The following PTPRZ1 variants were observed in gnomAD, a reference collection of about 807,000 sequenced individuals.
PTPRZ1 encodes the protein receptor-type tyrosine-protein phosphatase zeta.
A neutral mutation model predicts 214.1 loss-of-function variants in PTPRZ1; 82 were observed. The observed-to-expected ratio is 0.38, with a 90% CI of 0.32 to 0.46. The LOEUF (loss-of-function observed/expected upper bound fraction) is 0.46. Ranked by LOEUF, PTPRZ1 falls within the 20% of genes least tolerant of loss-of-function variation. The probability of loss-of-function intolerance (pLI) is 1.00; values close to 1 mark genes in which losing one functional copy is unlikely to be tolerated. For synonymous variants in PTPRZ1, 945 were observed against 987.9 expected (o/e 0.96, Z 0.81); for missense variants, 2,603 against 2,748.7 (o/e 0.95, Z 1.19).
At chr7:121,945,019 T>C (rs1004788255) in intron 2 of PTPRZ1, among the ~76,000 whole-genome samples, 5 of 152,210 alleles carry the variant, frequency 3.3e-5, no homozygotes, top group Non-Finnish European at 5.9e-5. Context: ...TTTGAAAGTT[T>C]TAATAGTTGT....
rs116348829 is a variant in PTPRZ1 at position 121,897,823 on chromosome 7, C to G, written c.58+24266C>G. On this transcript the variant is annotated intron_variant, in intron 1 of 29. Transcript: ENST00000393386. ...AGAAACACTAAGTGATTGTGGTGGC[C>G]AGAAATGCAGAGGACATCATGGTAT... Among the ~76,000 whole-genome samples the G allele has an allele frequency of 9.6e-3, 1,462 of 152,236 alleles. 22 individuals are homozygous for G. Among genetic ancestry groups the G allele is most frequent in the African/African-American group, 0.032 (1,311 of 41,540 alleles).
At position 121,930,916 on chromosome 7, in the gene PTPRZ1, T is replaced by G. The variant is rs149033757; in HGVS notation, c.124+2695T>G. Among the ~76,000 whole-genome samples the G allele has an allele frequency of 5.3e-4, 80 of 152,264 alleles. No homozygotes were observed. In the East Asian group the frequency reaches 0.015, roughly 28 times the overall value. On this transcript the variant is annotated intron_variant, in intron 2 of 29. Coordinates refer to ENST00000393386, the MANE Select transcript of PTPRZ1 (RefSeq NM_002851.3). ...AGGGACTAAGAATGCTTAGAGTGCA[T>G]CCCTAACCATGGAAGATGACATTAC...
intron 2 of PTPRZ1, among the ~76,000 whole-genome samples, chr7:121,953,200 G>C (rs549611383): frequency 6.6e-6 from 1 of 151,986 alleles, no homozygotes; most frequent in East Asian, 1.9e-4. Flanking sequence ...TTTAATTTGG[G>C]TATTAATTTT....
At chr7:121,877,914 A>C (rs1794111242) in intron 1 of PTPRZ1, among the ~76,000 whole-genome samples, 1 of 151,590 alleles carries the variant, frequency 6.6e-6, no homozygotes, top group Non-Finnish European at 1.5e-5. Context: ...GTGTATATAC[A>C]TATATAAATG....
chr7:121,943,700 G>T (rs1308171226), intron 2 of PTPRZ1, among the ~76,000 whole-genome samples: 27 of 152,110 alleles, frequency 1.8e-4, no homozygotes. Flanking sequence ...TACCTGGAGG[G>T]CTTACTGAAA....
At chr7:122,019,005 A>G in intron 12 of PTPRZ1, 119 bp from the exon 13 acceptor site, 1 of 954,982 alleles carries the variant, frequency 1.0e-6, no homozygotes, top group Non-Finnish European at 1.5e-6. Context: ...TCTTTGCATC[A>G]AAGAGTCAAA....
chr7:122,061,148 C>T lies in PTPRZ1; in HGVS notation c.6876C>T (p.Ser2292=). The part of the protein sequence containing the change: ...LVSTRQEENP[S]TSLDSNGAAL... The stretch of plus-strand genomic sequence containing the variant: ...GCACAAGGCAGGAAGAGAATCCATC[C>T]ACCTCTCTGGACAGTAATGGTGCAG... Residue 2292 remains serine, a synonymous_variant, in exon 30 of 30, where the codon TCC becomes TCT. Transcript: ENST00000393386. The T allele has an allele frequency of 1.2e-6, 2 of 1,609,094 alleles. No homozygotes were observed. The highest frequency in any genetic ancestry group is 1.7e-6 in the Non-Finnish European group (2 of 1,176,766).
At chr7:122,020,014 GA>G (rs1241963794) in intron 13 of PTPRZ1, among the ~76,000 whole-genome samples, 2 of 152,164 alleles carry the variant, frequency 1.3e-5, no homozygotes, top group African/African-American at 4.8e-5. Flanking sequence ...TGTAAACCAA[GA>G]AAGGGCATAG....
intron 6 of PTPRZ1, among the ~76,000 whole-genome samples, chr7:121,982,420 C>A (rs1275177013): frequency 6.9e-6 from 1 of 144,110 alleles, no homozygotes; most frequent in Non-Finnish European, 1.6e-5. Flanking sequence ...ACACACACAA[C>A]CTTCTGGGAT....
At chr7:121,914,700 G>A (rs1795368434) in intron 1 of PTPRZ1, among the ~76,000 whole-genome samples, 1 of 152,102 alleles carries the variant, frequency 6.6e-6, no homozygotes, top group African/African-American at 2.4e-5. Context: ...TGTAAAAAAT[G>A]TAGTTAAAGT....
chr7:122,031,650 T>G (rs1799380233), intron 15 of PTPRZ1, 91 bp downstream of exon 15: 1 of 806,982 alleles, frequency 1.2e-6, no homozygotes, highest in East Asian at 2.8e-5. Flanking sequence ...CTAAAGACAG[T>G]GCAACCATTT....
Position 121,873,469 on chromosome 7 carries a change from C to T in PTPRZ1, c.-31C>T, listed in dbSNP as rs968566128. The T allele has an allele frequency of 1.1e-5, 17 of 1,612,280 alleles. No individual in the cohort carries two copies. The highest frequency in any genetic ancestry group is 1.3e-5 in the African/African-American group (1 of 74,918). On this transcript the variant is annotated 5_prime_UTR_variant, in exon 1 of 30. Coordinates refer to ENST00000393386, the MANE Select transcript of PTPRZ1 (RefSeq NM_002851.3). ...TCTCCACTCTGAGAAGCAGAGGAGC[C>T]GCACGGCGAGGGGCCGCAGACCGTC...
intron 2 of PTPRZ1, among the ~76,000 whole-genome samples, chr7:121,950,580 G>A (rs1053516583): frequency 2.2e-4 from 33 of 152,296 alleles, no homozygotes; most frequent in African/African-American, 7.7e-4. Context: ...AGCGGGAGTA[G>A]CCCTGCCCTG....
At chr7:121,945,946 G>A (rs1401494931) in intron 2 of PTPRZ1, among the ~76,000 whole-genome samples, 1 of 152,180 alleles carries the variant, frequency 6.6e-6, no homozygotes, top group African/African-American at 2.4e-5. Context: ...AGTACAGGAA[G>A]TTACCTTCAG....
intron 27 of PTPRZ1, among the ~76,000 whole-genome samples, chr7:122,055,871 T>A (rs1420744652): frequency 6.6e-6 from 1 of 151,894 alleles, no homozygotes. Context: ...TTCTGAAAAC[T>A]AGTACATATA....
intron 4 of PTPRZ1, among the ~76,000 whole-genome samples, chr7:121,974,679 G>A (rs964138595): frequency 4.6e-5 from 7 of 151,832 alleles, no homozygotes; most frequent in Non-Finnish European, 1.0e-4. Flanking sequence ...AAGTAGAGAC[G>A]GAGTTTCACT....
intron 23 of PTPRZ1, among the ~76,000 whole-genome samples, chr7:122,047,434 A>G (rs903865253): frequency 6.6e-6 from 1 of 152,122 alleles, no homozygotes; most frequent in Non-Finnish European, 1.5e-5. Flanking sequence ...ATTGGAGAGT[A>G]CAGAGACCCT....
chr7:121,873,680 C>T (rs2116117988), intron 1 of PTPRZ1, 123 bp downstream of exon 1: 1 of 1,209,368 alleles, frequency 8.3e-7, no homozygotes, highest in Non-Finnish European at 1.2e-6. Context: ...AAAGGGACAG[C>T]CAACTGGGCT....
intron 11 of PTPRZ1, among the ~76,000 whole-genome samples, chr7:122,005,579 A>G (rs969613068): frequency 6.6e-6 from 1 of 151,964 alleles, no homozygotes; most frequent in Non-Finnish European, 1.5e-5. Flanking sequence ...GAGTTTATAG[A>G]TTTCAGCTAA....
Sources: allele counts gnomAD v4.1 joint callset (sites outside exome capture counted in the v4.1 genomes callset), GRCh38; gene constraint gnomAD v4.1.1; transcripts MANE v1.5; gene names NCBI Gene and HGNC (gene_info 2026-07-23, HGNC 2026-07-21).